Variants in MOK observed in about 807,000 individuals in gnomAD.
The protein encoded by MOK is MOK protein kinase.
In MOK, 59 loss-of-function variants were observed where a neutral mutation model predicts 54.2. That is an observed-to-expected ratio of 1.09 (90% CI 0.88 to 1.35). MOK has a LOEUF of 1.35. Among genes scored for constraint, MOK ranks in the 40% most tolerant of loss-of-function variants. MOK has a pLI of 0.00. For synonymous variants in MOK, 210 were observed against 202.7 expected (o/e 1.04, Z -0.31); for missense variants, 517 against 526.2 (o/e 0.98, Z 0.17).
chr14:102,279,590 G>C (rs2069205013), intron 2 of MOK, among the ~76,000 whole-genome samples: 2 of 152,108 alleles, frequency 1.3e-5, no homozygotes, highest in Admixed American at 1.3e-4. Context: ...ATAGGTGTGA[G>C]ACCCACTGTG....
At chr14:102,225,775 CACT>C (rs1374665697), downstream of MOK, 1 of 159,736 alleles carries the variant, frequency 6.3e-6, no homozygotes, top group East Asian at 1.9e-4. Context: ...CTGTTCCCAC[CACT>C]GTCACCATGG....
intron 1 of MOK, among the ~76,000 whole-genome samples, chr14:102,304,587 G>A (rs530599063): frequency 1.8e-4 from 28 of 152,198 alleles, no homozygotes; most frequent in Non-Finnish European, 3.2e-4. Context: ...TCTGCCGAAT[G>A]TTCAGGAAAA....
At chr14:102,220,382 T>G (rs2063748706), downstream of MOK, among the ~76,000 whole-genome samples, 2 of 152,250 alleles carry the variant, frequency 1.3e-5, no homozygotes, top group Admixed American at 1.3e-4. The surrounding 1 kb of genome is among the most constrained non-coding windows in gnomAD (Gnocchi z 4.2). Context: ...AAAAAAGTCA[T>G]TAGTAATTTT....
chr14:102,267,470 G>A (rs2068008086), intron 2 of MOK, among the ~76,000 whole-genome samples: 1 of 152,222 alleles, frequency 6.6e-6, no homozygotes, highest in South Asian at 2.1e-4. Context: ...GGAGGCAGAG[G>A]CAGGAGAATC....
downstream of MOK, among the ~76,000 whole-genome samples, chr14:102,227,780 G>A (rs1429487412): frequency 2.0e-5 from 3 of 152,070 alleles, no homozygotes; most frequent in Non-Finnish European, 4.4e-5. Flanking sequence ...CCCTCCCTCC[G>A]CGTGGCCCGC....
At chr14:102,302,747 C>G (rs2072376973) in intron 1 of MOK, among the ~76,000 whole-genome samples, 1 of 151,766 alleles carries the variant, frequency 6.6e-6, no homozygotes, top group African/African-American at 2.4e-5. Context: ...TAGGTATACA[C>G]ATGCAGTGCT....
rs188241470 is a variant in MOK at position 102,242,269 on chromosome 14, G to A, written c.591-8480C>T. Among the ~76,000 whole-genome samples the A allele has an allele frequency of 9.9e-3, 1,500 of 152,200 alleles. 15 individuals are homozygous for A. Among genetic ancestry groups the A allele is most frequent in the Non-Finnish European group, 0.014 (986 of 68,016 alleles). Reference sequence around the variant, plus strand: ...CCACAATTGTGGGTATTGACGGCCAGGCTTCTAAACCTTTTAAAACTCCCC... The same window carrying A: ...CCACAATTGTGGGTATTGACGGCCAAGCTTCTAAACCTTTTAAAACTCCCC... On this transcript the variant is annotated intron_variant, in intron 7 of 11. Transcript: ENST00000361847.
At chr14:102,304,895 T>TC in intron 1 of MOK, 67 bp downstream of exon 1, 4 of 1,507,206 alleles carry the variant, frequency 2.7e-6, no homozygotes, top group South Asian at 2.4e-5. Context: ...CTCCTCAAGC[T>TC]CCCCCAGTCC....
chr14:102,298,881 G>A (rs879891221), intron 1 of MOK, among the ~76,000 whole-genome samples: 2 of 152,218 alleles, frequency 1.3e-5, no homozygotes, highest in African/African-American at 2.4e-5. Flanking sequence ...CCACCAGGAG[G>A]AATGAACAAG....
In MOK at chr14:102,251,741, T is replaced by C; in HGVS notation, c.411+15A>G. The C allele has an allele frequency of 2.6e-6, 4 of 1,552,916 alleles. No individual in the cohort carries two copies. The highest frequency in any genetic ancestry group is 3.5e-6 in the Non-Finnish European group (4 of 1,127,412). On this transcript the variant is annotated intron_variant, in intron 6 of 11. Transcript: ENST00000361847. ...CTTTTATTCTGATACCCAGCTTTCA[T>C]GTAAAAGCTCTTACCTTTATTAGTA...
chr14:102,272,690 A>T (rs1383596740), intron 2 of MOK, among the ~76,000 whole-genome samples: 1 of 152,224 alleles, frequency 6.6e-6, no homozygotes. Flanking sequence ...CCAAAAAGTC[A>T]TTTGACAGAA....
At chr14:102,241,386 G>A (rs112332109) in intron 7 of MOK, among the ~76,000 whole-genome samples, 16 of 152,128 alleles carry the variant, frequency 1.1e-4, no homozygotes, top group African/African-American at 3.1e-4. Flanking sequence ...ACAGTTTCAC[G>A]TGGGGAGACT....
At chr14:102,246,879 CTG>C (rs56367727) in intron 7 of MOK, among the ~76,000 whole-genome samples, 8,257 of 152,130 alleles carry the variant, frequency 0.054, 284 homozygotes, top group African/African-American at 0.1. Context: ...AAATTCCAAA[CTG>C]TGCAACTTAC....
chr14:102,269,509 G>A (rs1413212365), intron 2 of MOK, among the ~76,000 whole-genome samples: 1 of 138,554 alleles, frequency 7.2e-6, no homozygotes, highest in African/African-American at 2.7e-5. Flanking sequence ...GTCTTGCTCT[G>A]TTGACCAGGC....
At chr14:102,228,086 T>C (rs138804298), downstream of MOK, among the ~76,000 whole-genome samples, 1 of 152,362 alleles carries the variant, frequency 6.6e-6, no homozygotes, top group Non-Finnish European at 1.5e-5. Flanking sequence ...TTCTTTGCAA[T>C]GTTCCCATTC....
chr14:102,272,910 G>A (rs938259967), intron 2 of MOK, among the ~76,000 whole-genome samples: 4 of 152,190 alleles, frequency 2.6e-5, no homozygotes, highest in Admixed American at 6.5e-5. Context: ...AGTGGCTCAC[G>A]CCTGTAATCC....
chr14:102,269,119 G>A (rs935115135), intron 2 of MOK, among the ~76,000 whole-genome samples: 1 of 151,628 alleles, frequency 6.6e-6, no homozygotes, highest in Admixed American at 6.6e-5. Flanking sequence ...ATGATTTCAT[G>A]ATGATAAAAA....
At chr14:102,302,422 C>CT (rs922914610) in intron 1 of MOK, among the ~76,000 whole-genome samples, 26 of 150,446 alleles carry the variant, frequency 1.7e-4, no homozygotes, top group African/African-American at 3.4e-4. Context: ...TATTTATTTT[C>CT]TTTTTTTTTG....
In MOK at chr14:102,231,797, G is replaced by A; in HGVS notation, c.891C>T (p.Gly297=). 6.2e-7 allele frequency: 1 copy of A among 1,612,166 alleles called. No individual in the cohort carries two copies. The highest frequency in any genetic ancestry group is 1.1e-5 in the South Asian group (1 of 91,000). ...CCGGAAAGCCAGCTTTTCTGTGGCT[G>A]CCCAGAGCCCGCTTCTCTGTTTTCC... ...EQRKTEKRAL[G]SHRKAGFPEH... The change falls in exon 10 of 12, where the codon GGC becomes GGT. Residue 297 remains glycine (G), a synonymous_variant. Coordinates refer to ENST00000361847, the MANE Select transcript of MOK (RefSeq NM_014226.3). This position sits in a 1 kb window ranked among gnomAD's most constrained non-coding sequence, Gnocchi z 4.4.
Sources: allele counts gnomAD v4.1 joint callset (sites outside exome capture counted in the v4.1 genomes callset), GRCh38; gene constraint gnomAD v4.1.1; non-coding constraint Gnocchi (gnomAD v3.1); transcripts MANE v1.5; gene names NCBI Gene and HGNC (gene_info 2026-07-23, HGNC 2026-07-21).